Variants in PEMT observed in about 807,000 individuals in gnomAD.
PEMT encodes phospholipid methyltransferase.
Under a neutral mutation model 27.4 loss-of-function variants are expected in PEMT, and 23 were observed. The observed-to-expected ratio is 0.84, with a 90% CI of 0.60 to 1.19. The LOEUF (loss-of-function observed/expected upper bound fraction) is 1.19. Ranked by LOEUF, PEMT falls within the 50% of genes most tolerant of loss-of-function variation. PEMT has a pLI of 0.00. For synonymous variants in PEMT, 137 were observed against 139.1 expected, an observed-to-expected ratio of 0.98 and a Z score of 0.11; for missense variants, 307 against 310.1, an observed-to-expected ratio of 0.99 and a Z score of 0.07.
intron 2 of PEMT, chr17:17,565,321 C>A (rs1910760339): frequency 6.6e-6 from 1 of 152,668 alleles, no homozygotes; most frequent in Non-Finnish European, 1.5e-5. Context: ...AGGAGAGAGA[C>A]CACACCTCTG....
chr17:17,541,408 G>A (rs566022024), intron 2 of PEMT, among the ~76,000 whole-genome samples: 8 of 152,322 alleles, frequency 5.3e-5, no homozygotes, highest in African/African-American at 1.7e-4. Flanking sequence ...ATCGTGGACC[G>A]TGGCCCGCAG....
chr17:17,573,546 C>A (rs1337592751), intron 2 of PEMT, among the ~76,000 whole-genome samples: 1 of 151,598 alleles, frequency 6.6e-6, no homozygotes, highest in Non-Finnish European at 1.5e-5. Flanking sequence ...GTGTAACTAC[C>A]CAGCATGTAC....
chr17:17,531,042 CA>C (rs753558318), intron 2 of PEMT, among the ~76,000 whole-genome samples: 9,123 of 66,896 alleles, frequency 0.14, 606 homozygotes, highest in African/African-American at 0.3. Context: ...GACTCCGTCT[CA>C]AAAAAAAAAA....
In PEMT at chr17:17,582,621, G is replaced by A. The variant is rs1277583362; in HGVS notation, c.97-5594C>T. ...CACCCCTGCAGAATCTGCCTGCAGCGCTGCAGCCCCCACTGCCCCCAGAGC... is the reference window on the plus strand; with the variant it reads ...CACCCCTGCAGAATCTGCCTGCAGCACTGCAGCCCCCACTGCCCCCAGAGC... On this transcript the variant is annotated intron_variant, in intron 1 of 6. Transcript: ENST00000255389. This position sits in a 1 kb window ranked among gnomAD's most constrained non-coding sequence, Gnocchi z 4.9. Among the ~76,000 whole-genome samples, 2 of 152,210 alleles carry A rather than the reference G, an allele frequency of 1.3e-5. No homozygotes were observed. The highest frequency in any genetic ancestry group is 3.8e-4 in the East Asian group (2 of 5,204).
intron 2 of PEMT, among the ~76,000 whole-genome samples, chr17:17,527,289 G>A (rs1479114857): frequency 6.6e-6 from 1 of 152,188 alleles, no homozygotes. Flanking sequence ...CGCCCGCCTC[G>A]GCCTCTCAAA....
chr17:17,531,042 C>CAAAA (rs753558318), intron 2 of PEMT, among the ~76,000 whole-genome samples: 1 of 66,938 alleles, frequency 1.5e-5, no homozygotes, highest in Non-Finnish European at 3.6e-5. Flanking sequence ...GACTCCGTCT[C>CAAAA]AAAAAAAAAA....
chr17:17,583,792 C>A (rs889337474), intron 1 of PEMT, among the ~76,000 whole-genome samples: 2 of 152,224 alleles, frequency 1.3e-5, no homozygotes, highest in Non-Finnish European at 2.9e-5. Context: ...CCTGGGAAGA[C>A]CCCGATGCTG....
chr17:17,561,212 C>T lies in PEMT; in HGVS notation c.204+15708G>A, dbSNP rs975997518. On this transcript the variant is annotated intron_variant, in intron 2 of 6. Coordinates refer to ENST00000255389, the MANE Select transcript of PEMT (RefSeq NM_148172.3). The surrounding 1 kb of genome is among the most constrained non-coding windows in gnomAD (Gnocchi z 4.5). ...CCAGCTCACATTTTTCAGGCTTCAA[C>T]TCTGCCTGGCTCCCTGTGCTGCACA... 6.6e-6 allele frequency among the ~76,000 whole-genome samples: 1 copy of T among 152,192 alleles called. No individual in the cohort carries two copies. Among genetic ancestry groups the T allele is most frequent in the Non-Finnish European group, 1.5e-5 (1 of 68,036 alleles).
chr17:17,510,343 G>A (rs1426304968), intron 4 of PEMT, among the ~76,000 whole-genome samples: 4 of 152,160 alleles, frequency 2.6e-5, no homozygotes, highest in African/African-American at 9.7e-5. Context: ...CAGAGTAACC[G>A]CTCCATAAAG....
At chr17:17,555,187 A>T (rs1597926422) in intron 2 of PEMT, among the ~76,000 whole-genome samples, 1 of 152,066 alleles carries the variant, frequency 6.6e-6, no homozygotes, top group African/African-American at 2.4e-5. Context: ...TGTCCATGTC[A>T]CCCAGCTGGG....
At position 17,520,566 on chromosome 17, in the gene PEMT, C is replaced by A. The variant is rs70963013; in HGVS notation, c.320+1714G>T. On this transcript the variant is annotated intron_variant, in intron 3 of 6. Transcript: ENST00000255389. ...AAAATGCTCCCTGGGGCCGGAGAGC[C>A]TAGAAGATTGTAAGCATGCAGGCTG... Among the ~76,000 whole-genome samples, 212 of 152,340 alleles carry A rather than the reference C, an allele frequency of 1.4e-3. 3 individuals are homozygous for A. In the East Asian group the frequency reaches 0.038, roughly 27 times the overall value.
At chr17:17,520,583 T>C (rs70963012) in intron 3 of PEMT, among the ~76,000 whole-genome samples, 1 of 152,222 alleles carries the variant, frequency 6.6e-6, no homozygotes, top group East Asian at 1.9e-4. Flanking sequence ...ATTGTAAGCA[T>C]GCAGGCTGTG....
At chr17:17,571,678 G>A (rs966543308) in intron 2 of PEMT, among the ~76,000 whole-genome samples, 3 of 151,584 alleles carry the variant, frequency 2.0e-5, no homozygotes, top group Non-Finnish European at 4.4e-5. Context: ...CTCCCCAGGA[G>A]TCCAGACTCA....
intron 2 of PEMT, among the ~76,000 whole-genome samples, chr17:17,568,104 A>G (rs1201284687): frequency 2.6e-5 from 4 of 152,134 alleles, no homozygotes; most frequent in Non-Finnish European, 5.9e-5. Context: ...GACAGTCCAG[A>G]TTGCAGGTAT....
intron 2 of PEMT, among the ~76,000 whole-genome samples, chr17:17,557,797 T>G (rs1247323310): frequency 6.6e-6 from 1 of 152,256 alleles, no homozygotes; most frequent in East Asian, 1.9e-4. Flanking sequence ...CTGTCAGGTG[T>G]TCCCGAGGGA....
intron 1 of PEMT, among the ~76,000 whole-genome samples, chr17:17,587,338 C>T (rs1361111260): frequency 6.6e-6 from 1 of 152,094 alleles, no homozygotes; most frequent in Non-Finnish European, 1.5e-5. Flanking sequence ...ATGAAATGAA[C>T]CGATCCTTGC....
chr17:17,542,322 T>C (rs1258601005), intron 2 of PEMT, among the ~76,000 whole-genome samples: 1 of 152,248 alleles, frequency 6.6e-6, no homozygotes, highest in East Asian at 1.9e-4. Context: ...CCAAGCAACC[T>C]GGTTTGCCTG....
At chr17:17,511,019 C>T (rs1159903714) in intron 4 of PEMT, among the ~76,000 whole-genome samples, 1 of 152,158 alleles carries the variant, frequency 6.6e-6, no homozygotes, top group Non-Finnish European at 1.5e-5. Flanking sequence ...ATCGGTCCAA[C>T]CTCTTCCTTG....
At chr17:17,538,626 G>T (rs568420485) in intron 2 of PEMT, among the ~76,000 whole-genome samples, 2 of 152,320 alleles carry the variant, frequency 1.3e-5, no homozygotes, top group South Asian at 4.1e-4. Flanking sequence ...AAGATTCGCT[G>T]AGTCATTTAA....
Sources: gnomAD v4.1 joint callset for allele counts (sites outside exome capture counted in the v4.1 genomes callset) on GRCh38, gnomAD v4.1.1 for gene constraint, Gnocchi (gnomAD v3.1) non-coding constraint, MANE v1.5 for transcripts, NCBI Gene and HGNC (gene_info 2026-07-23, HGNC 2026-07-21) for gene names.